SLC3A1: variants seen among roughly 807,000 people sequenced by gnomAD.
SLC3A1 encodes the protein amino acid transporter heavy chain SLC3A1.
Under a neutral mutation model 60.3 loss-of-function variants are expected in SLC3A1, and 78 were observed. That is an observed-to-expected ratio of 1.29 (90% CI 1.08 to 1.56). The LOEUF is 1.56. Ranked by LOEUF, SLC3A1 falls within the 40% of genes most tolerant of loss-of-function variation. The pLI is 0.00. For synonymous variants in SLC3A1, 392 were observed against 307.9 expected, an observed-to-expected ratio of 1.27 and a Z score of -2.86; for missense variants, 1,172 against 858.9, an observed-to-expected ratio of 1.36 and a Z score of -4.56.
In SLC3A1 at chr2:44,318,228, T is replaced by C. The variant is rs185321433; in HGVS notation, c.1618-1971T>C. ...GCTGCAGCCTCCCAAGTAGCTGGGA[T>C]TACAGGTGCACGTCATTATGCCCGG... On this transcript the variant is annotated intron_variant, in intron 9 of 9. Coordinates refer to ENST00000260649, the MANE Select transcript of SLC3A1 (RefSeq NM_000341.4). 5.5e-4 allele frequency: 200 copies of C among 363,636 alleles called. 1 individual carries two copies. The highest frequency in any genetic ancestry group is 3.7e-3 in the African/African-American group (167 of 44,644). 22.5% of individuals were successfully genotyped at this position (363,636 alleles called of 1,614,324 possible). A position where few individuals can be genotyped will look rare whatever the true frequency, so the allele number is the denominator to read the frequency against.
chr2:44,290,406 T>A (rs1394035890), intron 4 of SLC3A1, among the ~76,000 whole-genome samples: 7 of 152,214 alleles, frequency 4.6e-5, no homozygotes, highest in Admixed American at 1.3e-4. Flanking sequence ...TGTTTCACTA[T>A]TCCAAGTCCT....
intron 8 of SLC3A1, 143 bp from the exon 9 acceptor site, chr2:44,313,692 G>T (rs1256235892): frequency 1.3e-6 from 1 of 752,394 alleles, no homozygotes; most frequent in African/African-American, 1.7e-5. Context: ...CGAAAGTTGA[G>T]GCCTTTTCAT....
At chr2:44,281,356 C>T in intron 2 of SLC3A1, 31 bp from the exon 3 acceptor site, 2 of 1,582,242 alleles carry the variant, frequency 1.3e-6, no homozygotes, top group Non-Finnish European at 1.7e-6. Flanking sequence ...ACAATCTTTC[C>T]CTAGCATTTG....
At chr2:44,308,732 ATTTTT>A (rs566593033) in intron 7 of SLC3A1, among the ~76,000 whole-genome samples, 1 of 147,172 alleles carries the variant, frequency 6.8e-6, no homozygotes, top group African/African-American at 2.5e-5. Context: ...TTCCTGAAGA[ATTTTT>A]TTTTTTTTAA....
chr2:44,318,606 A>G (rs554295628), intron 9 of SLC3A1: 1 of 10,976 alleles, frequency 9.1e-5, no homozygotes, highest in Admixed American at 5.8e-4. Flanking sequence ...ATATGAAATG[A>G]TACATTCTGT....
chr2:44,308,382 C>G (rs910637492), intron 7 of SLC3A1, among the ~76,000 whole-genome samples: 1 of 152,074 alleles, frequency 6.6e-6, no homozygotes, highest in Non-Finnish European at 1.5e-5. Flanking sequence ...TTAGAATAGC[C>G]AACTGGGATT....
At chr2:44,304,857 C>A (rs1051652493) in intron 7 of SLC3A1, among the ~76,000 whole-genome samples, 11 of 126,976 alleles carry the variant, frequency 8.7e-5, no homozygotes, top group African/African-American at 3.2e-4. Context: ...GGGGCTCACT[C>A]TGCACCCAGC....
At chr2:44,278,187 G>A (rs561640899) in intron 1 of SLC3A1, among the ~76,000 whole-genome samples, 1 of 152,140 alleles carries the variant, frequency 6.6e-6, no homozygotes, top group Non-Finnish European at 1.5e-5. Flanking sequence ...GCTCACGCCT[G>A]TAATCCCAGC....
intron 4 of SLC3A1, among the ~76,000 whole-genome samples, chr2:44,297,894 GGC>G (rs1671894918): frequency 6.6e-6 from 1 of 152,084 alleles, no homozygotes; most frequent in Admixed American, 6.6e-5. Flanking sequence ...CGTCACACCT[GGC>G]TAGAAAAATC....
intron 4 of SLC3A1, among the ~76,000 whole-genome samples, chr2:44,289,430 C>T (rs893739433): frequency 6.6e-6 from 1 of 151,786 alleles, no homozygotes; most frequent in African/African-American, 2.4e-5. Flanking sequence ...AGGCTGGTCT[C>T]GAACTCGTGG....
chr2:44,282,571 G>A (rs1671524647), intron 3 of SLC3A1, among the ~76,000 whole-genome samples: 1 of 152,158 alleles, frequency 6.6e-6, no homozygotes, highest in Non-Finnish European at 1.5e-5. Context: ...AGAATGCCCA[G>A]TTAAATCTGA....
intron 7 of SLC3A1, among the ~76,000 whole-genome samples, chr2:44,305,027 C>G (rs375671006): frequency 2.0e-5 from 3 of 151,938 alleles, no homozygotes; most frequent in African/African-American, 7.2e-5. Flanking sequence ...GAGGGAGTTT[C>G]ACCATGTTGG....
chr2:44,293,289 C>T (rs187287587), intron 4 of SLC3A1, among the ~76,000 whole-genome samples: 2 of 152,086 alleles, frequency 1.3e-5, no homozygotes, highest in Non-Finnish European at 1.5e-5. Flanking sequence ...GAGGCTGAGG[C>T]AGGTGGATCA....
At chr2:44,318,640 T>TAAAA (rs949658458) in intron 9 of SLC3A1, 1 of 149,744 alleles carries the variant, frequency 6.7e-6, no homozygotes, top group Admixed American at 6.6e-5. Context: ...TATGATACAT[T>TAAAA]AAAAACAAAA....
At chr2:44,284,812 C>T (rs940575789) in intron 3 of SLC3A1, among the ~76,000 whole-genome samples, 1 of 152,228 alleles carries the variant, frequency 6.6e-6, no homozygotes, top group African/African-American at 2.4e-5. Flanking sequence ...GCAGTCCTCC[C>T]GCTTCAGCTC....
chr2:44,316,381 A>G (rs1287447949), intron 9 of SLC3A1: 1 of 152,242 alleles, frequency 6.6e-6, no homozygotes, highest in African/African-American at 2.4e-5. Flanking sequence ...ACAATGAAAT[A>G]AAATAGAACA....
intron 2 of SLC3A1, 130 bp from the exon 3 acceptor site, chr2:44,281,257 C>G (rs1340237700): frequency 1.3e-5 from 10 of 783,140 alleles, no homozygotes; most frequent in East Asian, 2.8e-5. Flanking sequence ...CTCCTGGGCT[C>G]AAGCAATCCT....
intron 3 of SLC3A1, among the ~76,000 whole-genome samples, chr2:44,283,427 G>A (rs1417690891): frequency 6.6e-6 from 1 of 152,170 alleles, no homozygotes. Flanking sequence ...TCTGTGCTAA[G>A]TGTTTTATAT....
At chr2:44,314,882 C>T (rs1341643246) in intron 9 of SLC3A1, 1 of 149,552 alleles carries the variant, frequency 6.7e-6, no homozygotes, top group Non-Finnish European at 1.5e-5. Flanking sequence ...CATAAAAATG[C>T]ATACCAGCAA....
Sources: allele counts gnomAD v4.1 joint callset (sites outside exome capture counted in the v4.1 genomes callset), GRCh38; gene constraint gnomAD v4.1.1; transcripts MANE v1.5; gene names NCBI Gene and HGNC (gene_info 2026-07-23, HGNC 2026-07-21).